ZNRF1: variants seen among roughly 807,000 people sequenced by gnomAD.
The protein encoded by ZNRF1 is E3 ubiquitin-protein ligase ZNRF1.
Under a neutral mutation model 18.4 loss-of-function variants are expected in ZNRF1, and 3 were observed. That is an observed-to-expected ratio of 0.16 (90% confidence interval 0.07 to 0.42). The LOEUF is 0.42. Ranked by LOEUF, ZNRF1 falls within the 10% of genes least tolerant of loss-of-function variation. The pLI is 0.99. For missense variants in ZNRF1, 310 were observed against 329.8 expected (o/e 0.94, Z 0.47); for synonymous variants, 157 against 144.2 (o/e 1.09, Z -0.64).
At chr16:75,084,127 T>A (rs1033796161) in intron 1 of ZNRF1, among the ~76,000 whole-genome samples, 5 of 152,236 alleles carry the variant, frequency 3.3e-5, no homozygotes, top group African/African-American at 1.2e-4. Flanking sequence ...GGTCATGCCC[T>A]GGCCCTTAAA....
At chr16:75,074,987 C>T (rs2035920265) in intron 1 of ZNRF1, among the ~76,000 whole-genome samples, 1 of 151,732 alleles carries the variant, frequency 6.6e-6, no homozygotes, top group Non-Finnish European at 1.5e-5. Context: ...AAAGTTCGCA[C>T]TGTCCAGGAA....
chr16:75,037,746 CT>C (rs2035394508), intron 1 of ZNRF1, among the ~76,000 whole-genome samples: 1 of 152,148 alleles, frequency 6.6e-6, no homozygotes, highest in Non-Finnish European at 1.5e-5. Context: ...GACCCCAAAT[CT>C]ATGAATAGAA....
intron 1 of ZNRF1, among the ~76,000 whole-genome samples, chr16:75,007,086 G>C (rs1023116125): frequency 2.7e-5 from 4 of 150,292 alleles, no homozygotes; most frequent in Admixed American, 1.3e-4. Flanking sequence ...TTTAAGACAG[G>C]GTCTCGCTTT....
chr16:75,104,832 A>T lies in ZNRF1; in HGVS notation c.569A>T (p.Glu190Val), dbSNP rs1471148877. 1.9e-6 allele frequency: 3 copies of T among 1,610,966 alleles called. No individual in the cohort carries two copies. The African/African-American group carries it at 4.0e-5, about 22-fold the overall frequency. The change falls in exon 3 of 5, where the codon GAG (glutamate) becomes GTG (valine). Residue 190 changes from glutamate to valine, a missense_variant. Around this residue, in one of 2 missense-constraint regions of ZNRF1, gnomAD observed 293 missense variants for 291.2 expected, o/e 1.01. Coordinates refer to ENST00000335325, the MANE Select transcript of ZNRF1 (RefSeq NM_032268.5). ...GGTGAGTGTGTGATCTGCCTGGAGG[A>T]GCTGCTGCAGGGGGACACGATAGCC... ...DAGECVICLE[E>V]LLQGDTIARL...
intron 1 of ZNRF1, among the ~76,000 whole-genome samples, chr16:75,054,309 G>A (rs1303628621): frequency 1.3e-5 from 2 of 152,232 alleles, no homozygotes; most frequent in Non-Finnish European, 2.9e-5. Context: ...TGTTGTGAGG[G>A]TAGGGTACTC....
chr16:75,007,701 G>A (rs1027478968), intron 1 of ZNRF1, among the ~76,000 whole-genome samples: 13 of 152,184 alleles, frequency 8.5e-5, no homozygotes, highest in Admixed American at 1.3e-4. Flanking sequence ...AGTAGAGCTG[G>A]AGACCCAAGA....
intron 1 of ZNRF1, among the ~76,000 whole-genome samples, chr16:75,073,431 T>C (rs1473646587): frequency 6.6e-6 from 1 of 152,144 alleles, no homozygotes; most frequent in Admixed American, 6.5e-5. Context: ...TATTCATTCA[T>C]ACATTGATCT....
intron 1 of ZNRF1, among the ~76,000 whole-genome samples, chr16:75,081,254 A>T (rs997614637): frequency 2.6e-5 from 4 of 152,226 alleles, no homozygotes; most frequent in African/African-American, 9.7e-5. Context: ...GGCAGTTCCA[A>T]GGCCAGTCCT....
At chr16:75,096,448 T>C (rs545891973) in intron 2 of ZNRF1, among the ~76,000 whole-genome samples, 1 of 152,130 alleles carries the variant, frequency 6.6e-6, no homozygotes, top group Non-Finnish European at 1.5e-5. Context: ...CTCCAATGTA[T>C]TCCCCATGAT....
chr16:75,008,643 A>G (rs1157828226), intron 1 of ZNRF1, among the ~76,000 whole-genome samples: 1 of 152,196 alleles, frequency 6.6e-6, no homozygotes, highest in Non-Finnish European at 1.5e-5. Context: ...TTCCATTGAT[A>G]GCCTCTGGTA....
intron 1 of ZNRF1, among the ~76,000 whole-genome samples, chr16:75,021,893 A>G (rs535711160): frequency 5.9e-5 from 9 of 152,124 alleles, no homozygotes; most frequent in Non-Finnish European, 1.3e-4. Flanking sequence ...TATCTCTTCA[A>G]ATTTTACCTT....
chr16:75,097,409 C>A (rs544041265), intron 2 of ZNRF1, among the ~76,000 whole-genome samples: 16 of 152,250 alleles, frequency 1.1e-4, no homozygotes, highest in African/African-American at 3.6e-4. Flanking sequence ...CAGCTGTGTT[C>A]TGGGGGAGCA....
At chr16:75,017,796 T>C (rs1433524520) in intron 1 of ZNRF1, among the ~76,000 whole-genome samples, 2 of 152,184 alleles carry the variant, frequency 1.3e-5, no homozygotes, top group East Asian at 3.8e-4. Context: ...TCAAATCAAG[T>C]TGGCATCAGG....
intron 2 of ZNRF1, among the ~76,000 whole-genome samples, chr16:75,094,330 G>A (rs1418885839): frequency 5.3e-5 from 8 of 152,174 alleles, no homozygotes; most frequent in African/African-American, 1.9e-4. Flanking sequence ...ACCGCAGAGG[G>A]TAGGACCCTG....
intron 1 of ZNRF1, among the ~76,000 whole-genome samples, chr16:75,070,644 T>A (rs1468104635): frequency 6.6e-6 from 1 of 152,198 alleles, no homozygotes; most frequent in East Asian, 1.9e-4. Flanking sequence ...ACTGACATCC[T>A]AGGAACCCTC....
intron 1 of ZNRF1, among the ~76,000 whole-genome samples, chr16:75,028,243 TATC>T (rs1385094793): frequency 2.6e-5 from 4 of 152,218 alleles, no homozygotes; most frequent in African/African-American, 9.6e-5. Context: ...CAAATTAACT[TATC>T]ATGATTCTAC....
chr16:75,026,567 T>C (rs186844519), intron 1 of ZNRF1, among the ~76,000 whole-genome samples: 3 of 152,320 alleles, frequency 2.0e-5, no homozygotes, highest in Admixed American at 2.0e-4. Flanking sequence ...ACTGAGACTT[T>C]TGCTTTCATA....
chr16:75,069,369 A>G (rs529732489), intron 1 of ZNRF1, among the ~76,000 whole-genome samples: 2 of 152,192 alleles, frequency 1.3e-5, no homozygotes, highest in South Asian at 4.2e-4. Flanking sequence ...GTTTCCCCTC[A>G]GGCTTAGTCT....
intron 2 of ZNRF1, chr16:75,104,157 T>G (rs900935597): frequency 6.6e-6 from 1 of 152,422 alleles, no homozygotes; most frequent in Non-Finnish European, 1.5e-5. Flanking sequence ...CTTTGTGTAG[T>G]ATTTTTGACG....
Sources: gnomAD v4.1 joint callset for allele counts (sites outside exome capture counted in the v4.1 genomes callset) on GRCh38, gnomAD v4.1.1 for gene constraint, gnomAD v4.1.1 regional missense constraint, MANE v1.5 for transcripts, NCBI Gene and HGNC (gene_info 2026-07-23, HGNC 2026-07-21) for gene names.